The following CALN1 variants were observed in gnomAD, a reference collection of about 807,000 sequenced individuals.
CALN1 encodes the protein calcium-binding protein 8.
In CALN1, 17 loss-of-function variants were observed where a neutral mutation model predicts 30.6. The ratio of observed to expected loss-of-function variants is 0.56; its 90% CI spans 0.38 to 0.83. CALN1 has a LOEUF of 0.83. CALN1 is among the 40% of genes least tolerant of loss of function. The pLI is 0.00. For synonymous variants in CALN1, 156 were observed against 131.4 expected, an observed-to-expected ratio of 1.19 and a Z score of -1.28; for missense variants, 291 against 354.9, an observed-to-expected ratio of 0.82 and a Z score of 1.45.
At chr7:71,955,471 A>G (rs925170832) in intron 5 of CALN1, among the ~76,000 whole-genome samples, 3 of 152,076 alleles carry the variant, frequency 2.0e-5, no homozygotes, top group Admixed American at 2.0e-4. Context: ...GGTCAATATG[A>G]CCCCTACTCC....
At chr7:72,092,797 G>A (rs1426859328) in intron 4 of CALN1, among the ~76,000 whole-genome samples, 1 of 152,104 alleles carries the variant, frequency 6.6e-6, no homozygotes, top group Non-Finnish European at 1.5e-5. Flanking sequence ...CCAGTGAAAT[G>A]TGAATAGAAG....
intron 5 of CALN1, among the ~76,000 whole-genome samples, chr7:72,014,198 T>TG (rs1584746375): frequency 6.6e-6 from 1 of 150,996 alleles, no homozygotes; most frequent in South Asian, 2.1e-4. Flanking sequence ...GTGATTCCCC[T>TG]GCCTCAGCCT....
At chr7:71,927,693 G>T (rs1795338823) in intron 5 of CALN1, among the ~76,000 whole-genome samples, 1 of 152,146 alleles carries the variant, frequency 6.6e-6, no homozygotes, top group Non-Finnish European at 1.5e-5. Flanking sequence ...CTTGATGCCT[G>T]CTGGTCTAGT....
intron 5 of CALN1, among the ~76,000 whole-genome samples, chr7:71,989,299 G>A (rs545796414): frequency 3.2e-4 from 49 of 152,248 alleles, no homozygotes; most frequent in Middle Eastern, 3.4e-3. Flanking sequence ...TTAGCTGGGC[G>A]TGATGGCATG....
intron 5 of CALN1, among the ~76,000 whole-genome samples, chr7:71,905,903 C>G (rs1425485845): frequency 6.6e-6 from 1 of 152,012 alleles, no homozygotes; most frequent in Admixed American, 6.6e-5. Flanking sequence ...AGGAAACTTA[C>G]AATTATGGAA....
intron 3 of CALN1, among the ~76,000 whole-genome samples, chr7:72,271,578 A>C (rs1413552354): frequency 1.8e-5 from 2 of 112,302 alleles, no homozygotes; most frequent in Non-Finnish European, 3.7e-5. Flanking sequence ...AAAAAAAAAT[A>C]TATATATATA....
chr7:72,219,679 ATACACATG>A (rs1392288858), intron 3 of CALN1, among the ~76,000 whole-genome samples: 2 of 125,966 alleles, frequency 1.6e-5, no homozygotes, highest in African/African-American at 5.5e-5. Context: ...ACACACATGC[ATACACATG>A]CACACATGCA....
At chr7:72,179,777 T>C (rs2129545999) in intron 3 of CALN1, among the ~76,000 whole-genome samples, 1 of 152,246 alleles carries the variant, frequency 6.6e-6, no homozygotes, top group African/African-American at 2.4e-5. Flanking sequence ...TTCTCAGACA[T>C]CATGTCATTT....
At chr7:72,119,829 A>T (rs1471099763) in intron 3 of CALN1, among the ~76,000 whole-genome samples, 1 of 152,134 alleles carries the variant, frequency 6.6e-6, no homozygotes, top group African/African-American at 2.4e-5. Context: ...AATACTTCTC[A>T]CCAGGTCCCT....
At chr7:72,224,759 C>A (rs1183679238) in intron 3 of CALN1, among the ~76,000 whole-genome samples, 1 of 149,430 alleles carries the variant, frequency 6.7e-6, no homozygotes, top group East Asian at 2.0e-4. Flanking sequence ...CCAGCCTAGG[C>A]AACACCGTGA....
intron 1 of CALN1, among the ~76,000 whole-genome samples, chr7:72,425,376 A>C (rs180969287): frequency 5.3e-5 from 8 of 152,278 alleles, no homozygotes; most frequent in Middle Eastern, 3.4e-3. Flanking sequence ...AGCCTCCCAA[A>C]GTGCAGGGAT....
intron 3 of CALN1, among the ~76,000 whole-genome samples, chr7:72,228,761 ATTTATTTAT>A (rs1255130885): frequency 6.7e-6 from 1 of 149,986 alleles, no homozygotes; most frequent in African/African-American, 2.5e-5. Context: ...TTATTTATTT[ATTTATTTAT>A]TTATTTATTG....
At chr7:72,072,026 G>C (rs117476173) in intron 4 of CALN1, among the ~76,000 whole-genome samples, 1,771 of 152,240 alleles carry the variant, frequency 0.012, 18 homozygotes, top group Middle Eastern at 0.044. Context: ...AGAACATAAA[G>C]TATGTGTGAG....
At chr7:72,106,116 T>C (rs1807087658) in intron 4 of CALN1, 35 bp downstream of exon 4, 3 of 1,607,042 alleles carry the variant, frequency 1.9e-6, no homozygotes, top group South Asian at 1.1e-5. Flanking sequence ...GACCGGGGCA[T>C]GTCTCAGGGG....
At chr7:72,064,769 T>A (rs935056746) in intron 4 of CALN1, among the ~76,000 whole-genome samples, 2 of 151,924 alleles carry the variant, frequency 1.3e-5, no homozygotes, top group Non-Finnish European at 2.9e-5. Context: ...CCAAAATCCA[T>A]CCCCCCTCAA....
intron 5 of CALN1, among the ~76,000 whole-genome samples, chr7:71,858,934 A>G (rs2116645614): frequency 6.6e-6 from 1 of 152,216 alleles, no homozygotes; most frequent in East Asian, 1.9e-4. Flanking sequence ...GGCAAAATAA[A>G]CTTTCTAAAT....
At chr7:72,271,583 T>TATATATATATATATATAC (rs1585320306) in intron 3 of CALN1, among the ~76,000 whole-genome samples, 1 of 80,570 alleles carries the variant, frequency 1.2e-5, no homozygotes, top group Non-Finnish European at 2.1e-5. Context: ...AAAATATATA[T>TATATATATATATATATAC]ATATATATAT....
At chr7:72,299,227 C>G (rs768942960) in intron 2 of CALN1, among the ~76,000 whole-genome samples, 2 of 152,080 alleles carry the variant, frequency 1.3e-5, no homozygotes, top group Non-Finnish European at 2.9e-5. Context: ...TCCAAAAAAA[C>G]CCTTACATGC....
At chr7:71,796,402 C>T (rs1178264366) in intron 6 of CALN1, among the ~76,000 whole-genome samples, 5 of 150,144 alleles carry the variant, frequency 3.3e-5, no homozygotes, top group South Asian at 2.1e-4. Context: ...CACTGTCGCC[C>T]GGGCTGGTGT....
Sources: allele counts gnomAD v4.1 joint callset (sites outside exome capture counted in the v4.1 genomes callset), GRCh38; gene constraint gnomAD v4.1.1; transcripts MANE v1.5; gene names NCBI Gene and HGNC (gene_info 2026-07-23, HGNC 2026-07-21).